BAZ2B: variants seen among roughly 807,000 people sequenced by gnomAD.
The protein encoded by BAZ2B is bromodomain adjacent to zinc finger domain 2B, also known as bromodomain adjacent to zinc finger domain protein 2B.
A neutral mutation model predicts 246.0 loss-of-function variants in BAZ2B; 91 were observed. That is an observed-to-expected ratio of 0.37 (90% CI 0.31 to 0.44). The LOEUF (loss-of-function observed/expected upper bound fraction) is 0.44. Ranked by LOEUF, BAZ2B falls within the 20% of genes least tolerant of loss-of-function variation. The pLI, the probability that BAZ2B is intolerant of heterozygous loss-of-function variation, is 1.00. For missense variants in BAZ2B, 2,332 were observed against 2,533.7 expected (o/e 0.92, Z 1.71); for synonymous variants, 855 against 860.0 (o/e 0.99, Z 0.10).
the BAZ2B span, among the ~76,000 whole-genome samples, chr2:159,665,740 A>T: frequency 6.6e-6 from 1 of 151,850 alleles, no homozygotes; most frequent in African/African-American, 2.4e-5. Context: ...ACCTAAAACC[A>T]TAAAAACCCT....
intron 2 of BAZ2B, among the ~76,000 whole-genome samples, chr2:159,484,232 T>G (rs1047274843): frequency 3.3e-5 from 5 of 152,242 alleles, no homozygotes; most frequent in African/African-American, 1.2e-4. Flanking sequence ...AAGGGTATTA[T>G]TTGAAATTCA....
At chr2:159,467,374 T>C (rs1425578220) in intron 3 of BAZ2B, among the ~76,000 whole-genome samples, 1 of 152,194 alleles carries the variant, frequency 6.6e-6, no homozygotes, top group African/African-American at 2.4e-5. Context: ...TACCAAGACC[T>C]AATTTATCTC....
At position 159,462,744 on chromosome 2, in the gene BAZ2B, C is replaced by G. The variant is rs76605935; in HGVS notation, c.146-8943G>C. Reference sequence around the variant, plus strand: ...AACTTCCACTCTGATCTCCAACGACCATTCCAGAAGTTTTTAGGCTGACAC... The same window carrying G: ...AACTTCCACTCTGATCTCCAACGACGATTCCAGAAGTTTTTAGGCTGACAC... On this transcript the variant is annotated intron_variant, in intron 3 of 36. Transcript: ENST00000392783. 805 of 1,433,496 alleles carry G rather than the reference C, an allele frequency of 5.6e-4. 11 individuals are homozygous for G. The East Asian group carries it at 0.017, about 31-fold the overall frequency. 88.8% of individuals were successfully genotyped at this position (1,433,496 alleles called of 1,614,324 possible).
chr2:159,437,050 T>C (rs1313699398), intron 8 of BAZ2B, among the ~76,000 whole-genome samples: 1 of 152,154 alleles, frequency 6.6e-6, no homozygotes, highest in Non-Finnish European at 1.5e-5. Context: ...ATAATATTAG[T>C]AGCACTCATA....
chr2:159,586,086 T>C lies in BAZ2B; in HGVS notation c.-46+30156A>G, dbSNP rs539029818. Among the ~76,000 whole-genome samples, 21 of 152,332 alleles carry C rather than the reference T, an allele frequency of 1.4e-4. No individual in the cohort carries two copies. In the East Asian group the frequency reaches 3.9e-3, roughly 28 times the overall value. ...TTTATATGTGCTTAGAAGTAGATTA[T>C]TGTTTTTACACTAATTATTTTACAA... On this transcript the variant is annotated intron_variant, in intron 1 of 36. Transcript: ENST00000392783.
At chr2:159,389,522 T>C in intron 20 of BAZ2B, 37 bp from the exon 21 acceptor site, 1 of 1,505,802 alleles carries the variant, frequency 6.6e-7, no homozygotes, top group Middle Eastern at 1.8e-4. Context: ...TTCTTCTTAA[T>C]CATTATATAT....
chr2:159,402,266 T>C (rs965345980), intron 16 of BAZ2B, among the ~76,000 whole-genome samples: 2 of 151,934 alleles, frequency 1.3e-5, no homozygotes, highest in African/African-American at 4.8e-5. Flanking sequence ...CAGTGCTAGG[T>C]GGTGAAACCC....
chr2:159,568,884 A>G (rs1683262489), intron 1 of BAZ2B, among the ~76,000 whole-genome samples: 1 of 152,192 alleles, frequency 6.6e-6, no homozygotes, highest in South Asian at 2.1e-4. Flanking sequence ...CTGAATATCT[A>G]AATTTGATTA....
chr2:159,474,152 T>C lies in BAZ2B; in HGVS notation c.145+4423A>G, dbSNP rs372049525. Among the ~76,000 whole-genome samples, 40 of 152,244 alleles carry C rather than the reference T, an allele frequency of 2.6e-4. No individual in the cohort carries two copies. In the East Asian group the frequency reaches 5.2e-3, roughly 20 times the overall value. On this transcript the variant is annotated intron_variant, in intron 3 of 36. Transcript: ENST00000392783. The stretch of plus-strand genomic sequence containing the variant: ...TGTTTTGGTGATCTAATATTGGAAG[T>C]GGGGTGTTTAAGTCATCCACTGTTA...
In BAZ2B at chr2:159,349,629, C is replaced by T. The variant is rs984450650; in HGVS notation, c.4863+79G>A. 1.7e-5 allele frequency: 23 copies of T among 1,390,958 alleles called. No homozygotes were observed. The African/African-American group carries it at 2.5e-4, about 15-fold the overall frequency. 86.2% of individuals were successfully genotyped at this position (1,390,958 alleles called of 1,614,324 possible). A position where few individuals can be genotyped will look rare whatever the true frequency, so the allele number is the denominator to read the frequency against. ...GGAATATTTTAACTATCTGAGTGAG[C>T]CCCCTTGAGCAAAAATCTCCATGGG... On this transcript the variant is annotated intron_variant, in intron 28 of 36. Coordinates refer to ENST00000392783, the MANE Select transcript of BAZ2B (RefSeq NM_013450.4).
chr2:159,540,904 A>T (rs2086584807), intron 2 of BAZ2B, among the ~76,000 whole-genome samples: 1 of 152,214 alleles, frequency 6.6e-6, no homozygotes, highest in African/African-American at 2.4e-5. Flanking sequence ...AGAAGCAACA[A>T]GTCACAAGCA....
chr2:159,605,448 A>C (rs1257486147), intron 1 of BAZ2B, among the ~76,000 whole-genome samples: 1 of 152,222 alleles, frequency 6.6e-6, no homozygotes, highest in African/African-American at 2.4e-5. Flanking sequence ...ACCCATGTAC[A>C]TGTAATTAAT....
the BAZ2B span, among the ~76,000 whole-genome samples, chr2:159,669,022 T>C: frequency 6.6e-6 from 1 of 151,832 alleles, no homozygotes; most frequent in Non-Finnish European, 1.5e-5. Context: ...TGCCACTTCA[T>C]TCCAGTCTGG....
Position 159,521,398 on chromosome 2 carries a change from G to A in BAZ2B, c.-3+34425C>T, listed in dbSNP as rs76565840. Among the ~76,000 whole-genome samples the A allele has an allele frequency of 8.2e-3, 1,247 of 152,130 alleles. 9 individuals carry two copies. The highest frequency in any genetic ancestry group is 0.013 in the Non-Finnish European group (915 of 67,902). ...AAAGAGTAAGCCAAAGACAGATACA[G>A]ATGTGTATATTTTCATTTATTGCAA... On this transcript the variant is annotated intron_variant, in intron 2 of 36. Transcript: ENST00000392783.
At chr2:159,545,718 G>C (rs1336219720) in intron 2 of BAZ2B, among the ~76,000 whole-genome samples, 1 of 152,110 alleles carries the variant, frequency 6.6e-6, no homozygotes, top group African/African-American at 2.4e-5. Flanking sequence ...GCCTTTACTA[G>C]ATTATAAGGA....
chr2:159,664,721 GTTGT>G, the BAZ2B span, among the ~76,000 whole-genome samples: 1 of 94,086 alleles, frequency 1.1e-5, no homozygotes, highest in Admixed American at 1.3e-4. Flanking sequence ...TTTTGATGGG[GTTGT>G]TTGTTTTTTT....
Position 159,552,121 on chromosome 2 carries a change from G to C in BAZ2B, c.-3+3702C>G, listed in dbSNP as rs1031446276. ...CTTGGTTTTCTCGCCCATTACCTAAGGGGAATGCAGAGTACTCTAAACTAT... is the reference window on the plus strand; with the variant it reads ...CTTGGTTTTCTCGCCCATTACCTAACGGGAATGCAGAGTACTCTAAACTAT... On this transcript the variant is annotated intron_variant, in intron 2 of 36. Transcript: ENST00000392783. Among the ~76,000 whole-genome samples, 26 of 152,084 alleles carry C rather than the reference G, an allele frequency of 1.7e-4. 1 individual carries two copies. Among genetic ancestry groups the C allele is most frequent in the Non-Finnish European group, 2.9e-4 (20 of 68,018 alleles).
downstream of BAZ2B, among the ~76,000 whole-genome samples, chr2:159,318,483 G>C (rs4665057): frequency 0.29 from 44,808 of 152,124 alleles, 7,557 homozygotes; most frequent in East Asian, 0.61. Context: ...ATAAAAAGCA[G>C]TGGACATTAT....
At chr2:159,477,647 A>T (rs2078757514) in intron 3 of BAZ2B, among the ~76,000 whole-genome samples, 2 of 152,316 alleles carry the variant, frequency 1.3e-5, no homozygotes, top group South Asian at 4.1e-4. Context: ...ATAATGTATA[A>T]GATAAGAAAT....
Sources: gnomAD v4.1 joint callset for allele counts (sites outside exome capture counted in the v4.1 genomes callset) on GRCh38, gnomAD v4.1.1 for gene constraint, MANE v1.5 for transcripts, NCBI Gene and HGNC (gene_info 2026-07-23, HGNC 2026-07-21) for gene names.